The following MCTP2 variants were observed in gnomAD, a reference collection of about 807,000 sequenced individuals.
MCTP2 encodes multiple C2 and transmembrane domain containing 2.
A neutral mutation model predicts 111.6 loss-of-function variants in MCTP2; 132 were observed. The ratio of observed to expected loss-of-function variants is 1.18; its 90% CI spans 1.03 to 1.37. MCTP2 has a LOEUF of 1.37. Among genes scored for constraint, MCTP2 ranks in the 40% most tolerant of loss-of-function variants. The pLI is 0.00. For missense variants in MCTP2, 1,183 were observed against 1,067.9 expected (o/e 1.11, Z -1.50); for synonymous variants, 395 against 387.7 (o/e 1.02, Z -0.22).
chr15:94,415,122 CTG>C (rs544718190), intron 17 of MCTP2, among the ~76,000 whole-genome samples: 140 of 152,182 alleles, frequency 9.2e-4, no homozygotes, highest in Middle Eastern at 3.4e-3. Flanking sequence ...CATTATGTGT[CTG>C]AGGTCTGATC....
At chr15:94,254,605 C>T (rs758990988) in intron 1 of MCTP2, among the ~76,000 whole-genome samples, 4 of 152,138 alleles carry the variant, frequency 2.6e-5, no homozygotes, top group Non-Finnish European at 4.4e-5. Context: ...CAAATGTGGC[C>T]ACTGGTTTGA....
intron 17 of MCTP2, 94 bp from the exon 18 acceptor site, chr15:94,440,082 C>A: frequency 7.2e-7 from 1 of 1,382,896 alleles, no homozygotes; most frequent in Non-Finnish European, 1.0e-6. Flanking sequence ...TAGAAAGAGT[C>A]CAATTGAATC....
At chr15:94,314,761 AT>A (rs1318124191) in intron 3 of MCTP2, 1 of 459,166 alleles carries the variant, frequency 2.2e-6, no homozygotes, top group South Asian at 1.5e-5. Context: ...CAAAAATTTA[AT>A]TGGGCTCATG....
rs566444969 is a variant in MCTP2 at position 94,300,852 on chromosome 15, G to A, written c.465+2122G>A. 8.5e-5 allele frequency among the ~76,000 whole-genome samples: 13 copies of A among 152,264 alleles called. No individual in the cohort carries two copies. In the East Asian group the frequency reaches 1.8e-3, roughly 21 times the overall value. Reference sequence around the variant, plus strand: ...CAGGTGAGGAAAGCTGGTGATCACAGCCTGAAGTGTGGATGGGTGCTGTTG... The same window carrying A: ...CAGGTGAGGAAAGCTGGTGATCACAACCTGAAGTGTGGATGGGTGCTGTTG... On this transcript the variant is annotated intron_variant, in intron 2 of 22. Coordinates refer to ENST00000357742, the MANE Select transcript of MCTP2 (RefSeq NM_001385001.1).
intron 17 of MCTP2, chr15:94,403,007 T>C (rs2081680770): frequency 1.0e-6 from 1 of 996,400 alleles, no homozygotes; most frequent in African/African-American, 1.7e-5. Context: ...AAAAAACATT[T>C]ATTAGCCCAA....
At chr15:94,431,676 T>C (rs1462057934) in intron 17 of MCTP2, among the ~76,000 whole-genome samples, 3 of 152,224 alleles carry the variant, frequency 2.0e-5, no homozygotes, top group Non-Finnish European at 4.4e-5. Context: ...AATTATAATT[T>C]TTTTTAAAAA....
chr15:94,470,529 T>G, intron 21 of MCTP2, 87 bp downstream of exon 21: 2 of 987,024 alleles, frequency 2.0e-6, no homozygotes, highest in Non-Finnish European at 3.3e-6. Flanking sequence ...TAATTTTAAA[T>G]GTGCTCTTGT....
At chr15:94,251,589 C>T (rs758011361) in intron 1 of MCTP2, among the ~76,000 whole-genome samples, 3 of 152,034 alleles carry the variant, frequency 2.0e-5, no homozygotes, top group African/African-American at 2.4e-5. Context: ...GAACTCCCGA[C>T]GTCGGGTGAT....
chr15:94,235,235 C>T (rs2070458471), intron 1 of MCTP2, among the ~76,000 whole-genome samples: 1 of 142,190 alleles, frequency 7.0e-6, no homozygotes, highest in Admixed American at 7.3e-5. Context: ...GCCTGGGAGA[C>T]AAGAGCGAAA....
At chr15:94,379,857 AAT>A (rs1415059603) in intron 12 of MCTP2, among the ~76,000 whole-genome samples, 3 of 145,910 alleles carry the variant, frequency 2.1e-5, no homozygotes, top group African/African-American at 7.5e-5. Context: ...ATATATATAT[AAT>A]ATATGACATA....
Position 94,394,016 on chromosome 15 carries a change from C to G in MCTP2, c.1789-4945C>G, listed in dbSNP as rs532990116. 5.8e-5 allele frequency among the ~76,000 whole-genome samples: 8 copies of G among 138,648 alleles called. No homozygotes were observed. In the East Asian group the frequency reaches 1.7e-3, roughly 30 times the overall value. 91.0% of individuals were successfully genotyped at this position (138,648 alleles called of 152,430 possible). A position where few individuals can be genotyped will look rare whatever the true frequency, so the allele number is the denominator to read the frequency against. On this transcript the variant is annotated intron_variant, in intron 14 of 22. Transcript: ENST00000357742. ...GGTGAGCCAAGACTGCACCATGGCA[C>G]TCCAGCCTGGGCAATAGAGCAGAAC...
At chr15:94,399,727 C>T (rs914099609) in intron 15 of MCTP2, 194 bp from the exon 16 acceptor site, 7 of 565,518 alleles carry the variant, frequency 1.2e-5, no homozygotes, top group African/African-American at 1.9e-5. Flanking sequence ...CAATCTGACC[C>T]ATGCCAGGGA....
At chr15:94,432,400 T>A (rs573319210) in intron 17 of MCTP2, among the ~76,000 whole-genome samples, 1 of 152,308 alleles carries the variant, frequency 6.6e-6, no homozygotes, top group South Asian at 2.1e-4. Flanking sequence ...AATGTACTTA[T>A]GTCATCTTAG....
chr15:94,416,088 A>G (rs549448780), intron 17 of MCTP2, among the ~76,000 whole-genome samples: 1 of 152,128 alleles, frequency 6.6e-6, no homozygotes, highest in Non-Finnish European at 1.5e-5. Context: ...TCTACCCACT[A>G]TGCACAGTTG....
chr15:94,283,675 G>A (rs2074612037), intron 1 of MCTP2, among the ~76,000 whole-genome samples: 1 of 152,046 alleles, frequency 6.6e-6, no homozygotes, highest in South Asian at 2.1e-4. Context: ...TCCTCCCTCT[G>A]TCCCCTCTCA....
intron 19 of MCTP2, among the ~76,000 whole-genome samples, chr15:94,453,993 C>T (rs916064815): frequency 1.3e-5 from 2 of 152,126 alleles, no homozygotes; most frequent in African/African-American, 4.8e-5. Flanking sequence ...TAATTTATAT[C>T]ATTTTCCACT....
At chr15:94,445,495 TCTTC>T (rs146522221) in intron 19 of MCTP2, among the ~76,000 whole-genome samples, 1,623 of 152,302 alleles carry the variant, frequency 0.011, 35 homozygotes, top group African/African-American at 0.037. Context: ...CTCTTTTCAT[TCTTC>T]CTTCTGTAAG....
At chr15:94,241,236 A>G (rs2070929614) in intron 1 of MCTP2, among the ~76,000 whole-genome samples, 1 of 151,962 alleles carries the variant, frequency 6.6e-6, no homozygotes, top group African/African-American at 2.4e-5. Context: ...TGTAACTAAT[A>G]CTCCCTTGAA....
At chr15:94,273,797 A>C (rs1165136740) in intron 1 of MCTP2, 1 of 207,386 alleles carries the variant, frequency 4.8e-6, no homozygotes, top group African/African-American at 2.3e-5. Context: ...ATTCAGAAAG[A>C]AATATGTCCT....
Sources: allele counts gnomAD v4.1 joint callset (sites outside exome capture counted in the v4.1 genomes callset), GRCh38; gene constraint gnomAD v4.1.1; transcripts MANE v1.5; gene names NCBI Gene and HGNC (gene_info 2026-07-23, HGNC 2026-07-21).